Variants in PGM5 observed in about 807,000 individuals in gnomAD.
PGM5 encodes phosphoglucomutase 5.
In PGM5, 23 loss-of-function variants were observed where a neutral mutation model predicts 59.2. The observed-to-expected ratio is 0.39, with a 90% CI of 0.28 to 0.55. The LOEUF (loss-of-function observed/expected upper bound fraction) is 0.55, where lower values mean the gene tolerates loss of function less well. Ranked by LOEUF, PGM5 falls within the 20% of genes least tolerant of loss-of-function variation. PGM5 has a pLI of 0.66. For synonymous variants in PGM5, 214 were observed against 286.0 expected, an observed-to-expected ratio of 0.75 and a Z score of 2.54; for missense variants, 574 against 748.3, an observed-to-expected ratio of 0.77 and a Z score of 2.72.
intron 4 of PGM5, among the ~76,000 whole-genome samples, chr9:68,390,031 C>T (rs1285207271): frequency 6.6e-6 from 1 of 152,064 alleles, no homozygotes; most frequent in Non-Finnish European, 1.5e-5. Flanking sequence ...TTTCTCTTTA[C>T]TTTTTGTTTA....
intron 6 of PGM5, among the ~76,000 whole-genome samples, chr9:68,434,977 A>T (rs1469309643): frequency 6.6e-6 from 1 of 152,208 alleles, no homozygotes; most frequent in African/African-American, 2.4e-5. Context: ...CCTAAGTGGG[A>T]GAGAAAGTGA....
In PGM5 at chr9:68,357,497, C is replaced by T. The variant is rs1834481304; in HGVS notation, c.261+109C>T. 20 of 1,501,818 alleles carry T rather than the reference C, an allele frequency of 1.3e-5. No individual in the cohort carries two copies. In the South Asian group the frequency reaches 2.3e-4, roughly 17 times the overall value. The allele number at this position is 1,501,818 out of a possible 1,614,324, so 93.0% of individuals were successfully genotyped here. A position where few individuals can be genotyped will look rare whatever the true frequency, so the allele number is the denominator to read the frequency against. ...CAGTTGGGAGGCCCCTGCCCGGCCC[C>T]GGCTTTGCTACCTCACTCCCGCGTC... is the stretch of plus-strand genomic sequence containing the variant. On this transcript the variant is annotated intron_variant, in intron 1 of 10. Coordinates refer to ENST00000396396, the MANE Select transcript of PGM5 (RefSeq NM_021965.4).
intron 8 of PGM5, among the ~76,000 whole-genome samples, 162 bp from the exon 9 acceptor site, chr9:68,483,703 G>A (rs1320733786): frequency 3.9e-5 from 6 of 152,202 alleles, no homozygotes; most frequent in African/African-American, 1.2e-4. Flanking sequence ...CGCTGTATGG[G>A]GAATGGACTG....
chr9:68,376,247 A>G (rs1359967099), intron 1 of PGM5, among the ~76,000 whole-genome samples: 1 of 152,220 alleles, frequency 6.6e-6, no homozygotes, highest in Non-Finnish European at 1.5e-5. Flanking sequence ...GGTTGTACTT[A>G]GAATAAAATC....
At chr9:68,470,304 A>G (rs1225994350) in intron 7 of PGM5, among the ~76,000 whole-genome samples, 1 of 152,194 alleles carries the variant, frequency 6.6e-6, no homozygotes, top group Non-Finnish European at 1.5e-5. Context: ...TGACTTTAGC[A>G]TAGTCATTTT....
rs34710126 is a variant in PGM5, at chr9:68,520,089, CA to C, written c.1615-9464del. Among the ~76,000 whole-genome samples, 265 of 129,160 alleles carry C rather than the reference CA, an allele frequency of 2.1e-3. 1 individual carries two copies. The highest frequency in any genetic ancestry group is 7.1e-3 in the African/African-American group (236 of 33,244). The allele number at this position is 129,160 out of a possible 152,430, so 84.7% of individuals were successfully genotyped here. On this transcript the variant is annotated intron_variant, in intron 10 of 10. Coordinates refer to ENST00000396396, the MANE Select transcript of PGM5 (RefSeq NM_021965.4). ...TGAGTGACAGAGTGAGACCCTGTCT[CA>C]AAAAAAAAAAAAAGACAACTATAAG... is the stretch of plus-strand genomic sequence containing the variant.
chr9:68,377,298 A>T (rs1269225115), intron 1 of PGM5, among the ~76,000 whole-genome samples: 4 of 152,088 alleles, frequency 2.6e-5, no homozygotes, highest in Non-Finnish European at 5.9e-5. Flanking sequence ...AGGGGGCTTT[A>T]TTACTGAGCT....
chr9:68,419,752 A>G (rs1220042994), intron 6 of PGM5, among the ~76,000 whole-genome samples: 2 of 152,238 alleles, frequency 1.3e-5, no homozygotes, highest in Admixed American at 1.3e-4. Flanking sequence ...TAGAAATCAA[A>G]GAATTTTCAG....
At chr9:68,398,134 T>C (rs189638007) in intron 6 of PGM5, 4 of 152,322 alleles carry the variant, frequency 2.6e-5, no homozygotes, top group Non-Finnish European at 4.4e-5. Flanking sequence ...TGAGCTTATA[T>C]GTAATTACTC....
At chr9:68,446,984 C>T (rs1554684042) in intron 6 of PGM5, among the ~76,000 whole-genome samples, 1 of 152,196 alleles carries the variant, frequency 6.6e-6, no homozygotes. Context: ...CGTTCCTTAG[C>T]TCTGCCCTCC....
At chr9:68,519,489 C>T (rs138291865) in intron 10 of PGM5, among the ~76,000 whole-genome samples, 37 of 150,606 alleles carry the variant, frequency 2.5e-4, no homozygotes, top group Admixed American at 5.3e-4. Context: ...TTCTAGGTAA[C>T]GATTAAAAAA....
At chr9:68,370,368 T>C (rs1376188278) in intron 1 of PGM5, among the ~76,000 whole-genome samples, 1 of 152,154 alleles carries the variant, frequency 6.6e-6, no homozygotes, top group Non-Finnish European at 1.5e-5. Flanking sequence ...AAATCCTGCT[T>C]TCATGCGTGT....
At chr9:68,504,788 A>T (rs1181074713) in intron 10 of PGM5, among the ~76,000 whole-genome samples, 1 of 152,178 alleles carries the variant, frequency 6.6e-6, no homozygotes, top group Non-Finnish European at 1.5e-5. Context: ...ACTTTGTCAG[A>T]TTATTTCCCT....
At chr9:68,444,735 T>A (rs1240109262) in intron 6 of PGM5, among the ~76,000 whole-genome samples, 1 of 152,062 alleles carries the variant, frequency 6.6e-6, no homozygotes, top group African/African-American at 2.4e-5. Context: ...TCAGCAGGGG[T>A]TGGGTATTTG....
At chr9:68,377,210 G>C (rs551265257) in intron 1 of PGM5, among the ~76,000 whole-genome samples, 1 of 152,224 alleles carries the variant, frequency 6.6e-6, no homozygotes, top group South Asian at 2.1e-4. Flanking sequence ...TTCAGGTGGA[G>C]CCACCACGCC....
chr9:68,404,011 T>C (rs1458155278), intron 6 of PGM5, among the ~76,000 whole-genome samples: 1 of 152,226 alleles, frequency 6.6e-6, no homozygotes, highest in Non-Finnish European at 1.5e-5. Flanking sequence ...CAGGATCTGC[T>C]TGAAGATCAT....
rs35728957 is a variant in PGM5 at position 68,476,984 on chromosome 9, A to ATT, written c.1160-2425_1160-2424dup. On this transcript the variant is annotated intron_variant, in intron 7 of 10. Transcript: ENST00000396396. Reference sequence around the variant, plus strand: ...TTTCTCTAGCCAGTAAATAAAAGTGATTTTTTTTTTCAGCTGTAAAAGGAC... The same window carrying ATT: ...TTTCTCTAGCCAGTAAATAAAAGTGATTTTTTTTTTTTCAGCTGTAAAAGGAC... 9.5e-3 allele frequency among the ~76,000 whole-genome samples: 1,441 copies of ATT among 151,036 alleles called. 19 individuals carry two copies. Among genetic ancestry groups the ATT allele is most frequent in the African/African-American group, 0.032 (1,303 of 41,208 alleles).
chr9:68,502,026 TTTAAG>T (rs1177377440), intron 10 of PGM5, among the ~76,000 whole-genome samples: 1 of 152,234 alleles, frequency 6.6e-6, no homozygotes, highest in Non-Finnish European at 1.5e-5. Context: ...GATTATGCTA[TTTAAG>T]TTAATATCAA....
At chr9:68,494,908 C>T (rs1824458319) in intron 9 of PGM5, among the ~76,000 whole-genome samples, 1 of 152,196 alleles carries the variant, frequency 6.6e-6, no homozygotes, top group Admixed American at 6.5e-5. Context: ...TGGATCCTTG[C>T]TAAATGCGAA....
Sources: allele counts gnomAD v4.1 joint callset (sites outside exome capture counted in the v4.1 genomes callset), GRCh38; gene constraint gnomAD v4.1.1; transcripts MANE v1.5; gene names NCBI Gene and HGNC (gene_info 2026-07-23, HGNC 2026-07-21).